CAMK4: variants seen among roughly 807,000 people sequenced by gnomAD.
CAMK4 encodes the protein calcium/calmodulin-dependent protein kinase type IV.
A neutral mutation model predicts 44.9 loss-of-function variants in CAMK4; 22 were observed. The ratio of observed to expected loss-of-function variants is 0.49; its 90% CI spans 0.35 to 0.70. CAMK4 has a LOEUF of 0.70. Ranked by LOEUF, CAMK4 falls within the 30% of genes least tolerant of loss-of-function variation. CAMK4 has a pLI of 0.01. For synonymous variants in CAMK4, 218 were observed against 215.4 expected (o/e 1.01, Z -0.11); for missense variants, 498 against 586.8 (o/e 0.85, Z 1.56).
At chr5:111,426,492 G>T (rs924689946) in intron 5 of CAMK4, among the ~76,000 whole-genome samples, 1 of 152,020 alleles carries the variant, frequency 6.6e-6, no homozygotes, top group African/African-American at 2.4e-5. Flanking sequence ...TTGCAAAGAC[G>T]CCAAGTCAAC....
intron 1 of CAMK4, among the ~76,000 whole-genome samples, chr5:111,286,092 G>T (rs1227610480): frequency 6.6e-6 from 1 of 152,174 alleles, no homozygotes; most frequent in Admixed American, 6.5e-5. Flanking sequence ...ACTTCTGTAA[G>T]AGAAAAATGG....
intron 1 of CAMK4, among the ~76,000 whole-genome samples, chr5:111,296,261 A>G (rs1174034431): frequency 6.6e-6 from 1 of 152,230 alleles, no homozygotes; most frequent in Non-Finnish European, 1.5e-5. Context: ...GCTTCCGTTT[A>G]GGAAATATAT....
intron 1 of CAMK4, among the ~76,000 whole-genome samples, chr5:111,303,820 A>G (rs1747837735): frequency 7.0e-6 from 1 of 143,286 alleles, no homozygotes; most frequent in Non-Finnish European, 1.5e-5. Context: ...GAAATGAAGG[A>G]AAAAATGTTA....
chr5:111,269,582 C>G (rs1750410592), intron 1 of CAMK4, among the ~76,000 whole-genome samples: 1 of 152,116 alleles, frequency 6.6e-6, no homozygotes, highest in Non-Finnish European at 1.5e-5. Context: ...AGTTTGGGTA[C>G]CATGCAAGCA....
intron 5 of CAMK4, among the ~76,000 whole-genome samples, chr5:111,444,263 T>G (rs1022789120): frequency 3.3e-5 from 5 of 152,226 alleles, no homozygotes; most frequent in African/African-American, 9.6e-5. Flanking sequence ...TGCCTCAGTT[T>G]CTTCATTTGG....
intron 2 of CAMK4, among the ~76,000 whole-genome samples, chr5:111,368,720 G>A (rs1463146339): frequency 2.0e-5 from 3 of 151,924 alleles, no homozygotes; most frequent in African/African-American, 4.8e-5. Context: ...ACTTAGACTC[G>A]TAAATCAGGT....
At chr5:111,409,155 C>T (rs1306269864) in intron 5 of CAMK4, among the ~76,000 whole-genome samples, 1 of 152,168 alleles carries the variant, frequency 6.6e-6, no homozygotes, top group African/African-American at 2.4e-5. Flanking sequence ...GGCTACAACC[C>T]TATATTTCCC....
chr5:111,287,591 G>C (rs1238630426), intron 1 of CAMK4, among the ~76,000 whole-genome samples: 1 of 151,906 alleles, frequency 6.6e-6, no homozygotes, highest in East Asian at 1.9e-4. Context: ...TGACTTTTTT[G>C]TCAAAATGTC....
chr5:111,480,749 C>T (rs2112499682), intron 9 of CAMK4, among the ~76,000 whole-genome samples: 1 of 152,202 alleles, frequency 6.6e-6, no homozygotes, highest in Admixed American at 6.5e-5. Flanking sequence ...AATTAAGGAA[C>T]ATAATATATG....
At chr5:111,449,988 A>G (rs540657321) in intron 7 of CAMK4, 23 of 152,342 alleles carry the variant, frequency 1.5e-4, no homozygotes, top group African/African-American at 5.1e-4. Flanking sequence ...CAAGTTATCA[A>G]TCACAAGATT....
intron 1 of CAMK4, among the ~76,000 whole-genome samples, chr5:111,226,101 T>C (rs1033022055): frequency 6.6e-6 from 1 of 152,136 alleles, no homozygotes; most frequent in Non-Finnish European, 1.5e-5. Flanking sequence ...TACTGTGTAG[T>C]AGAGGAAGTG....
chr5:111,371,765 G>A (rs1482924717), intron 2 of CAMK4, among the ~76,000 whole-genome samples: 1 of 152,114 alleles, frequency 6.6e-6, no homozygotes, highest in Non-Finnish European at 1.5e-5. Flanking sequence ...GCCTCACAAA[G>A]CACATAGATG....
intron 1 of CAMK4, chr5:111,302,251 C>T: frequency 6.5e-6 from 1 of 154,448 alleles, no homozygotes; most frequent in Non-Finnish European, 1.4e-5. Context: ...GCCAAGATGG[C>T]CGAATAGGAA....
intron 4 of CAMK4, among the ~76,000 whole-genome samples, chr5:111,384,384 C>T (rs1751524488): frequency 6.6e-6 from 1 of 152,116 alleles, no homozygotes; most frequent in Non-Finnish European, 1.5e-5. Context: ...TTCCTCTTCC[C>T]CTCCCCACCT....
intron 1 of CAMK4, among the ~76,000 whole-genome samples, chr5:111,252,979 G>T (rs1749579760): frequency 6.6e-6 from 1 of 152,104 alleles, no homozygotes; most frequent in Non-Finnish European, 1.5e-5. Flanking sequence ...AGAGATAGAG[G>T]GCTCAGGCTG....
chr5:111,376,921 CAGG>C lies in CAMK4; in HGVS notation c.371_373del (p.Gly124del). On this transcript the variant is annotated inframe_deletion, in exon 4 of 11. Transcript: ENST00000282356. ...ATCAGTCTGGTCCTAGAACTCGTCA[CAGG>C]AGGAGAACTGTTTGATAGGTGAGTT... 6.2e-7 allele frequency: 1 copy of C among 1,605,416 alleles called. No homozygotes were observed. The highest frequency in any genetic ancestry group is 2.2e-5 in the East Asian group (1 of 44,452).
chr5:111,477,773 G>C (rs1424987472), intron 8 of CAMK4, among the ~76,000 whole-genome samples: 1 of 152,248 alleles, frequency 6.6e-6, no homozygotes, highest in East Asian at 1.9e-4. Flanking sequence ...GTCATTGCCT[G>C]ACAATAGTTT....
At chr5:111,234,786 A>G (rs888564665) in intron 1 of CAMK4, among the ~76,000 whole-genome samples, 1 of 152,230 alleles carries the variant, frequency 6.6e-6, no homozygotes, top group Non-Finnish European at 1.5e-5. Context: ...TGAGACCACC[A>G]TCTGATTGGA....
rs34594346 is a variant in CAMK4 at position 111,326,580 on chromosome 5, CT to C, written c.162-17434del. ...AGAAAATTAAAAAAAAATCTTCCAC[CT>C]TTTTTTTTTAAATAGAAGGAAATTT... On this transcript the variant is annotated intron_variant, in intron 1 of 10. Coordinates refer to ENST00000282356, the MANE Select transcript of CAMK4 (RefSeq NM_001744.6). Among the ~76,000 whole-genome samples, 889 of 146,710 alleles carry C rather than the reference CT, an allele frequency of 6.1e-3. 6 individuals are homozygous for C. The highest frequency in any genetic ancestry group is 9.2e-3 in the Non-Finnish European group (610 of 66,258).
Sources: gnomAD v4.1 joint callset for allele counts (sites outside exome capture counted in the v4.1 genomes callset) on GRCh38, gnomAD v4.1.1 for gene constraint, MANE v1.5 for transcripts, NCBI Gene and HGNC (gene_info 2026-07-23, HGNC 2026-07-21) for gene names.